The following SLC6A3 variants were observed in gnomAD, a reference collection of about 807,000 sequenced individuals.
SLC6A3 encodes solute carrier family 6 member 3.
SLC6A3 carries 19 observed loss-of-function variants against 70.4 expected under a neutral mutation model. The observed-to-expected ratio is 0.27, with a 90% CI of 0.19 to 0.40. The LOEUF (loss-of-function observed/expected upper bound fraction) is 0.40, where lower values mean the gene tolerates loss of function less well. Among genes scored for constraint, SLC6A3 ranks in the 10% least tolerant of loss-of-function variants. The probability of loss-of-function intolerance (pLI) is 1.00; values close to 1 mark genes in which losing one functional copy is unlikely to be tolerated. For missense variants in SLC6A3, 613 were observed against 838.5 expected, an observed-to-expected ratio of 0.73 and a Z score of 3.32; for synonymous variants, 368 against 356.6, an observed-to-expected ratio of 1.03 and a Z score of -0.36.
chr5:1,426,152 T>G (rs72715534), intron 4 of SLC6A3, among the ~76,000 whole-genome samples: 5,871 of 152,292 alleles, frequency 0.039, 162 homozygotes, highest in Non-Finnish European at 0.059. Context: ...CTTCTGGGTA[T>G]CTACTCAAAA....
At chr5:1,400,058 C>T (rs929767220) in intron 14 of SLC6A3, among the ~76,000 whole-genome samples, 19 of 152,186 alleles carry the variant, frequency 1.2e-4, no homozygotes, top group African/African-American at 1.4e-4. Context: ...GAGGTGGGGC[C>T]GCGGTGCCCT....
rs1009937698 is a variant in SLC6A3, at chr5:1,405,406, G to A, written c.1599+782C>T. Among the ~76,000 whole-genome samples the A allele has an allele frequency of 3.3e-5, 5 of 152,184 alleles. No homozygotes were observed. Among genetic ancestry groups the A allele is most frequent in the Admixed American group, 3.3e-4 (5 of 15,282 alleles). On this transcript the variant is annotated intron_variant, in intron 12 of 14. Coordinates refer to ENST00000270349, the MANE Select transcript of SLC6A3 (RefSeq NM_001044.5). This position sits in a 1 kb window ranked among gnomAD's most constrained non-coding sequence, Gnocchi z 5.3. ...CAGCCCTTGGTCCATGAGAGGGTGC[G>A]GCCTGAGTCCCCTGCCCTGTTCCAG...
Position 1,441,389 on chromosome 5 carries a change from C to A in SLC6A3, c.388G>T (p.Gly130Cys). Residue 130 changes from glycine (G) to cysteine (C), a missense_variant, in exon 3 of 15, where the codon GGT becomes TGT. Transcript: ENST00000270349. ...AGTATGGGGCAGATCTTCCAGACAC[C>A]AGCGGCCCCTTCCCTGTTGAACTGG... Reference protein sequence around the residue: ...LGQFNREGAAGVWKICPILKG... With the variant: ...LGQFNREGAACVWKICPILKG... 1.2e-6 allele frequency: 2 copies of A among 1,614,238 alleles called. No individual in the cohort carries two copies. The highest frequency in any genetic ancestry group is 1.7e-6 in the Non-Finnish European group (2 of 1,180,034).
intron 3 of SLC6A3, among the ~76,000 whole-genome samples, chr5:1,435,790 C>T (rs576417273): frequency 3.1e-4 from 40 of 127,944 alleles, no homozygotes; most frequent in African/African-American, 1.2e-3. Context: ...CTCCCTTGAA[C>T]GGTGGTGGCC....
In SLC6A3 at chr5:1,393,718, G is replaced by A. The variant is rs1008601279; in HGVS notation, c.*1017C>T. 5 of 133,610 alleles carry A rather than the reference G, an allele frequency of 3.7e-5. No homozygotes were observed. The highest frequency in any genetic ancestry group is 2.3e-4 in the East Asian group (1 of 4,364). The allele number at this position is 133,610 out of a possible 1,614,324, so 8.3% of individuals were successfully genotyped here. The stretch of plus-strand genomic sequence containing the variant: ...ACGCTCCTGTGGGGGCCCTGCATGC[G>A]TCCGGTCCGGGGATAGGACACGCTC... On this transcript the variant is annotated 3_prime_UTR_variant, in exon 15 of 15. Coordinates refer to ENST00000270349, the MANE Select transcript of SLC6A3 (RefSeq NM_001044.5).
In SLC6A3 at chr5:1,443,011, A is replaced by G; in HGVS notation, c.187T>C (p.Trp63Arg). 6.2e-7 allele frequency: 1 copy of G among 1,614,176 alleles called. No individual in the cohort carries two copies. Among genetic ancestry groups the G allele is most frequent in the Non-Finnish European group, 8.5e-7 (1 of 1,180,040 alleles). The change falls in exon 2 of 15, where the codon TGG becomes CGG. Residue 63 changes from tryptophan to arginine, a missense_variant. By Grantham distance (101) the Trp-to-Arg change is moderately radical. Around this residue, in one of 4 missense-constraint regions of SLC6A3, gnomAD observed 111 missense variants for 91.6 expected, o/e 1.21. Transcript: ENST00000270349. ...SPVEAQDRET[W>R]GKKIDFLLSV... is the part of the protein sequence containing the mutation. ...AGGAGAAAGTCGATCTTCTTGCCCC[A>G]GGTCTCCCGATCCTGGGCCTCCACG... is the stretch of plus-strand genomic sequence containing the variant.
intron 1 of SLC6A3, among the ~76,000 whole-genome samples, chr5:1,445,094 C>T (rs1733769675): frequency 6.6e-6 from 1 of 152,204 alleles, no homozygotes; most frequent in Admixed American, 6.5e-5. Context: ...CAGGTGCCCA[C>T]CCGGTTCTGA....
At position 1,412,227 on chromosome 5, in the gene SLC6A3, C is replaced by T. The variant is rs1316459949; in HGVS notation, c.1157-872G>A. On this transcript the variant is annotated intron_variant, in intron 8 of 14. Transcript: ENST00000270349. ...TGAACCCACAGTGAGCGGGTCCCTGCGAGTGAAGCTTGGTAGAGGAGTGTG... is the reference window on the plus strand; with the variant it reads ...TGAACCCACAGTGAGCGGGTCCCTGTGAGTGAAGCTTGGTAGAGGAGTGTG... 6.6e-5 allele frequency among the ~76,000 whole-genome samples: 10 copies of T among 152,356 alleles called. No homozygotes were observed. In the East Asian group the frequency reaches 1.7e-3, roughly 26 times the overall value.
Position 1,442,621 on chromosome 5 carries a change from C to A in SLC6A3, c.286+291G>T, listed in dbSNP as rs1008486348. ...CCAAAGCGAAGATAGCCTCTGGAAA[C>A]AGGAGGCAGAGCCAAGCTGCCCCGT... On this transcript the variant is annotated intron_variant, in intron 2 of 14. Transcript: ENST00000270349. The surrounding 1 kb of genome is among the most constrained non-coding windows in gnomAD (Gnocchi z 5.0). Among the ~76,000 whole-genome samples the A allele has an allele frequency of 2.0e-5, 3 of 152,126 alleles. No individual in the cohort carries two copies. The highest frequency in any genetic ancestry group is 4.4e-5 in the Non-Finnish European group (3 of 68,024).
At chr5:1,440,857 A>G (rs1299243759) in intron 3 of SLC6A3, among the ~76,000 whole-genome samples, 5 of 152,198 alleles carry the variant, frequency 3.3e-5, no homozygotes, top group Non-Finnish European at 1.5e-5. Context: ...GTGAGACAAT[A>G]AACGTGTGCC....
chr5:1,444,306 C>A (rs1205560357), intron 1 of SLC6A3, among the ~76,000 whole-genome samples: 1 of 152,174 alleles, frequency 6.6e-6, no homozygotes, highest in African/African-American at 2.4e-5. Context: ...GCCAGGGCGA[C>A]TTCTGTCATT....
chr5:1,414,911 G>A, intron 7 of SLC6A3, 96 bp from the exon 8 acceptor site: 1 of 1,529,684 alleles, frequency 6.5e-7, no homozygotes, highest in South Asian at 1.1e-5. Flanking sequence ...CTGGGGAAGG[G>A]GGCGGGAGGT....
Position 1,437,845 on chromosome 5 carries a change from G to T in SLC6A3, c.418+3514C>A, listed in dbSNP as rs1327388123. Reference sequence around the variant, plus strand: ...CTTTTAGCTCCACAATGATTGTTGTGGGCACTTTAGCTGATGTCTTAATTT... The same window carrying T: ...CTTTTAGCTCCACAATGATTGTTGTTGGCACTTTAGCTGATGTCTTAATTT... On this transcript the variant is annotated intron_variant, in intron 3 of 14. Transcript: ENST00000270349. This position sits in a 1 kb window ranked among gnomAD's most constrained non-coding sequence, Gnocchi z 4.8. Among the ~76,000 whole-genome samples, 1 of 152,220 alleles carries T rather than the reference G, an allele frequency of 6.6e-6. No homozygotes were observed. Among genetic ancestry groups the T allele is most frequent in the Non-Finnish European group, 1.5e-5 (1 of 68,042 alleles).
Position 1,394,795 on chromosome 5 carries a change from C to T in SLC6A3, c.1840-37G>A, listed in dbSNP as rs957394542. ...ACAGGTTTAGTCAGAAACCCTGGGG[C>T]GATGCCCCATTTAAGAGCAGCTGAA... On this transcript the variant is annotated intron_variant, in intron 14 of 14. Transcript: ENST00000270349. The surrounding 1 kb of genome is among the most constrained non-coding windows in gnomAD (Gnocchi z 4.7). The T allele has an allele frequency of 1.2e-5, 19 of 1,613,398 alleles. No homozygotes were observed. Among genetic ancestry groups the T allele is most frequent in the South Asian group, 5.5e-5 (5 of 91,074 alleles).
chr5:1,416,529 C>T (rs1170314318), intron 6 of SLC6A3: 10 of 471,448 alleles, frequency 2.1e-5, no homozygotes, highest in East Asian at 4.3e-5. Flanking sequence ...CATCCACACA[C>T]GGCATGACCA....
At chr5:1,434,493 G>A (rs2126398443) in intron 3 of SLC6A3, among the ~76,000 whole-genome samples, 1 of 152,336 alleles carries the variant, frequency 6.6e-6, no homozygotes, top group Middle Eastern at 3.4e-3. Context: ...AGCAGTCTTT[G>A]GAGTGGTGTC....
At chr5:1,417,299 G>A (rs1025047246) in intron 6 of SLC6A3, among the ~76,000 whole-genome samples, 2 of 151,708 alleles carry the variant, frequency 1.3e-5, no homozygotes, top group East Asian at 3.9e-4. Context: ...GTGGCGCCCT[G>A]ACAACCCTCA....
intron 10 of SLC6A3, 68 bp downstream of exon 10, chr5:1,409,653 C>T: frequency 6.3e-7 from 1 of 1,596,544 alleles, no homozygotes; most frequent in South Asian, 1.1e-5. Context: ...CAGTCCCAGC[C>T]AGGGCGCCCC....
At chr5:1,409,683 CA>C in intron 10 of SLC6A3, 37 bp downstream of exon 10, 1 of 1,612,054 alleles carries the variant, frequency 6.2e-7, no homozygotes, top group Non-Finnish European at 8.5e-7. Context: ...GCTAAGGAGA[CA>C]TGACCAGGAG....
Sources: allele counts gnomAD v4.1 joint callset (sites outside exome capture counted in the v4.1 genomes callset), GRCh38; gene constraint gnomAD v4.1.1; regional missense constraint gnomAD v4.1.1; non-coding constraint Gnocchi (gnomAD v3.1); transcripts MANE v1.5; gene names NCBI Gene and HGNC (gene_info 2026-07-23, HGNC 2026-07-21).